The following GLIS3 variants were observed in gnomAD, a reference collection of about 807,000 sequenced individuals.
The protein encoded by GLIS3 is zinc finger protein GLIS3.
In GLIS3, 53 loss-of-function variants were observed where a neutral mutation model predicts 78.6. That is an observed-to-expected ratio of 0.67 (90% CI 0.54 to 0.85). The LOEUF is 0.85. Among genes scored for constraint, GLIS3 ranks in the 40% least tolerant of loss-of-function variants. The pLI, the probability that GLIS3 is intolerant of heterozygous loss-of-function variation, is 0.00. For synonymous variants in GLIS3, 684 were observed against 509.9 expected (o/e 1.34, Z -4.60); for missense variants, 1,703 against 1,231.1 (o/e 1.38, Z -5.74).
intron 2 of GLIS3, among the ~76,000 whole-genome samples, chr9:4,247,992 G>C (rs914602774): frequency 2.6e-5 from 4 of 152,098 alleles, no homozygotes; most frequent in Non-Finnish European, 5.9e-5. Context: ...AACTACTCTT[G>C]TGTAGCTGAA....
intron 4 of GLIS3, among the ~76,000 whole-genome samples, chr9:3,991,746 A>G (rs1267065524): frequency 1.2e-4 from 15 of 126,426 alleles, no homozygotes; most frequent in South Asian, 5.2e-4. Flanking sequence ...GCTGGAGTGC[A>G]GTGGTGGGAT....
At chr9:4,174,575 C>T (rs1015591032) in intron 2 of GLIS3, among the ~76,000 whole-genome samples, 5 of 152,154 alleles carry the variant, frequency 3.3e-5, no homozygotes, top group Non-Finnish European at 7.3e-5. Context: ...AATCAATTAT[C>T]TAACTGACAT....
At chr9:4,062,314 T>G (rs2130570484) in intron 4 of GLIS3, among the ~76,000 whole-genome samples, 1 of 152,250 alleles carries the variant, frequency 6.6e-6, no homozygotes, top group Admixed American at 6.5e-5. Context: ...TTTCCCATAT[T>G]GAAAATACTG....
At chr9:4,458,735 T>A in the GLIS3 span, among the ~76,000 whole-genome samples, 2 of 152,056 alleles carry the variant, frequency 1.3e-5, no homozygotes, top group African/African-American at 4.8e-5. Context: ...GAGGCAGAGG[T>A]TGTGGTGAGA....
chr9:4,281,786 A>G (rs566117489), intron 2 of GLIS3, among the ~76,000 whole-genome samples: 2 of 152,316 alleles, frequency 1.3e-5, no homozygotes, highest in African/African-American at 4.8e-5. Flanking sequence ...TGATGTCACC[A>G]AAAGGAACAT....
intron 4 of GLIS3, among the ~76,000 whole-genome samples, chr9:3,942,562 A>G (rs1468788507): frequency 6.6e-6 from 1 of 152,258 alleles, no homozygotes; most frequent in African/African-American, 2.4e-5. Context: ...TGTGACTCAG[A>G]AAAGGATGGT....
chr9:4,163,576 G>C (rs994727591), intron 2 of GLIS3, among the ~76,000 whole-genome samples: 10 of 152,256 alleles, frequency 6.6e-5, no homozygotes, highest in African/African-American at 1.7e-4. Context: ...AGGCAGGACA[G>C]CATGGCAGTT....
intron 4 of GLIS3, among the ~76,000 whole-genome samples, chr9:4,100,401 A>G (rs971784107): frequency 6.6e-6 from 1 of 152,244 alleles, no homozygotes; most frequent in African/African-American, 2.4e-5. Flanking sequence ...GGAGTACAAC[A>G]ACATAGGATA....
Position 3,928,360 on chromosome 9 carries a change from G to A in GLIS3, c.1983+4000C>T, listed in dbSNP as rs139318376. 2.0e-3 allele frequency among the ~76,000 whole-genome samples: 302 copies of A among 152,326 alleles called. 3 individuals carry two copies. The highest frequency in any genetic ancestry group is 7.1e-3 in the African/African-American group (294 of 41,568). Reference sequence around the variant, plus strand: ...GTGGCCCTGATCATGCACCCCACTTGTGCATACACCATCTGCCGTCTAGAC... The same window carrying A: ...GTGGCCCTGATCATGCACCCCACTTATGCATACACCATCTGCCGTCTAGAC... On this transcript the variant is annotated intron_variant, in intron 6 of 10. Transcript: ENST00000381971.
At chr9:4,104,195 A>T (rs141807257) in intron 4 of GLIS3, among the ~76,000 whole-genome samples, 1 of 152,224 alleles carries the variant, frequency 6.6e-6, no homozygotes, top group Non-Finnish European at 1.5e-5. Context: ...GAATGTCTAA[A>T]AGGCTCCTCA....
intron 4 of GLIS3, among the ~76,000 whole-genome samples, chr9:4,021,661 T>A (rs537579334): frequency 9.2e-5 from 14 of 152,294 alleles, no homozygotes; most frequent in Admixed American, 7.2e-4. Flanking sequence ...CTTAACAGAA[T>A]GAGGTTACTG....
the GLIS3 span, among the ~76,000 whole-genome samples, chr9:4,472,296 A>G: frequency 2.6e-5 from 4 of 152,200 alleles, no homozygotes; most frequent in African/African-American, 9.7e-5. Context: ...TACTATAAAG[A>G]CACATGCACA....
intron 2 of GLIS3, among the ~76,000 whole-genome samples, chr9:4,273,590 CATAAATAAATAA>C (rs60374376): frequency 0.026 from 3,768 of 144,060 alleles, 144 homozygotes; most frequent in African/African-American, 0.087. Flanking sequence ...AAGACCTTAT[CATAAATAAATAA>C]ATAAATAAAT....
At chr9:4,313,462 C>G (rs1286741985) in intron 2 of GLIS3, among the ~76,000 whole-genome samples, 1 of 152,148 alleles carries the variant, frequency 6.6e-6, no homozygotes, top group Non-Finnish European at 1.5e-5. Context: ...ACTTGAGGTC[C>G]TCAGTTCTCT....
At chr9:4,127,211 G>T (rs540276561) in intron 2 of GLIS3, among the ~76,000 whole-genome samples, 1 of 152,192 alleles carries the variant, frequency 6.6e-6, no homozygotes, top group East Asian at 1.9e-4. Context: ...AAATCCAAGT[G>T]GTAATTGACC....
chr9:4,391,132 G>C, the GLIS3 span, among the ~76,000 whole-genome samples: 1 of 152,098 alleles, frequency 6.6e-6, no homozygotes, highest in East Asian at 1.9e-4. Flanking sequence ...CACCTCTTCA[G>C]TCTGTAATAT....
chr9:3,829,576 A>G (rs1283994522), intron 9 of GLIS3, 84 bp from the exon 10 acceptor site: 1 of 1,437,420 alleles, frequency 7.0e-7, no homozygotes, highest in Non-Finnish European at 9.8e-7. Flanking sequence ...AACCTCACTC[A>G]GCCTGGCTTC....
the GLIS3 span, among the ~76,000 whole-genome samples, chr9:4,377,334 C>T: frequency 7.4e-6 from 1 of 135,472 alleles, no homozygotes. Context: ...ATGCTGGATG[C>T]TTCCTTCCAT....
intron 4 of GLIS3, among the ~76,000 whole-genome samples, chr9:3,947,191 A>C (rs749536673): frequency 6.6e-6 from 1 of 152,248 alleles, no homozygotes; most frequent in Non-Finnish European, 1.5e-5. Context: ...TTGGCTGCCC[A>C]GTAATTAATT....
Sources: gnomAD v4.1 joint callset for allele counts (sites outside exome capture counted in the v4.1 genomes callset) on GRCh38, gnomAD v4.1.1 for gene constraint, MANE v1.5 for transcripts, NCBI Gene and HGNC (gene_info 2026-07-23, HGNC 2026-07-21) for gene names.